GREB1: variants seen among roughly 807,000 people sequenced by gnomAD.
The protein encoded by GREB1 is protein GREB1.
GREB1 carries 106 observed loss-of-function variants against 200.7 expected under a neutral mutation model. That is an observed-to-expected ratio of 0.53 (90% CI 0.45 to 0.62). The LOEUF (loss-of-function observed/expected upper bound fraction) is 0.62. GREB1 is among the 20% of genes least tolerant of loss of function. GREB1 has a pLI of 0.00. For synonymous variants in GREB1, 1,132 were observed against 1,092.4 expected (o/e 1.04, Z -0.72); for missense variants, 2,243 against 2,556.8 (o/e 0.88, Z 2.65).
chr2:11,552,882 C>T (rs140262493), intron 1 of GREB1, among the ~76,000 whole-genome samples: 3,499 of 151,554 alleles, frequency 0.023, 56 homozygotes, highest in African/African-American at 0.041. Context: ...TGGTGGCGCA[C>T]GCCTGTAGTC....
chr2:11,584,619 T>C (rs895249285), intron 7 of GREB1, among the ~76,000 whole-genome samples: 25 of 152,364 alleles, frequency 1.6e-4, no homozygotes, highest in Middle Eastern at 3.4e-3. Flanking sequence ...CTCCCCACAA[T>C]TCGTTGCACA....
intron 1 of GREB1, among the ~76,000 whole-genome samples, chr2:11,498,499 C>T (rs147062087): frequency 3.3e-5 from 5 of 152,274 alleles, no homozygotes; most frequent in East Asian, 3.9e-4. Context: ...TGATATTCAC[C>T]GATGTTCACA....
chr2:11,606,616 AT>A (rs1369478240), intron 17 of GREB1, among the ~76,000 whole-genome samples: 1 of 151,882 alleles, frequency 6.6e-6, no homozygotes, highest in African/African-American at 2.4e-5. Flanking sequence ...ATAGATTATA[AT>A]TTTTTATCCT....
intron 1 of GREB1, among the ~76,000 whole-genome samples, chr2:11,525,496 CAAAAAAAAAA>C (rs764748651): frequency 2.0e-5 from 1 of 50,070 alleles, no homozygotes; most frequent in Non-Finnish European, 4.5e-5. Context: ...GACTCCATCT[CAAAAAAAAAA>C]AAAAAAAAAA....
rs577240335 is a variant in GREB1, at chr2:11,594,388, T to C, written c.1697-863T>C. On this transcript the variant is annotated intron_variant, in intron 11 of 32. Coordinates refer to ENST00000381486, the MANE Select transcript of GREB1 (RefSeq NM_014668.4). ...TTTTTTTTTTGAGATGGAGTCTTGC[T>C]CTGTTGCCCAGGCTGGAATGCAGTG... 2.0e-5 allele frequency among the ~76,000 whole-genome samples: 3 copies of C among 151,376 alleles called. No homozygotes were observed. In the South Asian group the frequency reaches 6.2e-4, roughly 32 times the overall value.
Position 11,518,579 on chromosome 2 carries a change from A to T in GREB1, c.-159+36198A>T, listed in dbSNP as rs1220302194. On this transcript the variant is annotated intron_variant, in intron 1 of 2. Transcript: ENST00000628795. ...GGGCCTGGTTAATGCAGACAGATCCATCCAGTCCTGGCCTCCAGATGCATT... is the reference window on the plus strand; with the variant it reads ...GGGCCTGGTTAATGCAGACAGATCCTTCCAGTCCTGGCCTCCAGATGCATT... Among the ~76,000 whole-genome samples the T allele has an allele frequency of 2.0e-5, 3 of 152,122 alleles. No homozygotes were observed. In the South Asian group the frequency reaches 6.2e-4, roughly 32 times the overall value.
intron 4 of GREB1, among the ~76,000 whole-genome samples, chr2:11,574,240 C>T: frequency 6.6e-6 from 1 of 152,252 alleles, no homozygotes; most frequent in East Asian, 1.9e-4. Context: ...TACCTGTACA[C>T]TGGCACACAC....
At chr2:11,506,937 G>A (rs1353724354) in intron 1 of GREB1, among the ~76,000 whole-genome samples, 1 of 152,090 alleles carries the variant, frequency 6.6e-6, no homozygotes, top group South Asian at 2.1e-4. Context: ...TACAACATGT[G>A]TTACATCCCT....
At chr2:11,595,850 G>T (rs1203538681) in intron 12 of GREB1, among the ~76,000 whole-genome samples, 1 of 152,076 alleles carries the variant, frequency 6.6e-6, no homozygotes, top group Non-Finnish European at 1.5e-5. Context: ...TTCCAGATGG[G>T]CTTGGGACCT....
At chr2:11,544,888 C>T (rs1411751345) in intron 1 of GREB1, among the ~76,000 whole-genome samples, 1 of 152,204 alleles carries the variant, frequency 6.6e-6, no homozygotes, top group African/African-American at 2.4e-5. Flanking sequence ...GTTCTCAGCT[C>T]ACTGCAACCT....
At position 11,548,024 on chromosome 2, in the gene GREB1, AAAAG is replaced by A. The variant is rs1373304534; in HGVS notation, c.-161-8429_-161-8426del. The stretch of plus-strand genomic sequence containing the variant: ...TAGCAAGACCTCTGTCCTTACCAAA[AAAAG>A]CTATCTGGGCATGGTGGCATGTTCC... On this transcript the variant is annotated intron_variant, in intron 1 of 32. Coordinates refer to ENST00000381486, the MANE Select transcript of GREB1 (RefSeq NM_014668.4). This position sits in a 1 kb window ranked among gnomAD's most constrained non-coding sequence, Gnocchi z 5.1. Among the ~76,000 whole-genome samples the A allele has an allele frequency of 6.6e-6, 1 of 152,158 alleles. No homozygotes were observed. The highest frequency in any genetic ancestry group is 1.5e-5 in the Non-Finnish European group (1 of 68,032).
rs13394619 is a variant in GREB1 at position 11,587,381 on chromosome 2, G to A, written c.1160-1365G>A. 0.51 allele frequency: 816,789 copies of A among 1,605,816 alleles called. 214,218 individuals are homozygous for A. The highest frequency in any genetic ancestry group is 0.87 in the African/African-American group (64,795 of 74,844). On this transcript the variant is annotated intron_variant, in intron 9 of 32. Transcript: ENST00000381486. The stretch of plus-strand genomic sequence containing the variant: ...TTTACCTTGCCTCTTGCCCACTGCA[G>A]TATTTGTAAATGGTGCTACCCAAAT...
chr2:11,524,881 A>G (rs1006479133), intron 1 of GREB1, among the ~76,000 whole-genome samples: 5 of 152,320 alleles, frequency 3.3e-5, no homozygotes, highest in African/African-American at 1.2e-4. Context: ...GTCCTGGCCA[A>G]TGTTTTGTAA....
At chr2:11,585,036 A>G (rs954445242) in intron 7 of GREB1, 125 bp from the exon 8 acceptor site, 96 of 521,408 alleles carry the variant, frequency 1.8e-4, no homozygotes, top group African/African-American at 1.6e-3. Flanking sequence ...CTTAAAACCC[A>G]CGTGAATCTG....
chr2:11,536,601 G>A (rs1196294744), intron 1 of GREB1, among the ~76,000 whole-genome samples: 1 of 152,190 alleles, frequency 6.6e-6, no homozygotes, highest in African/African-American at 2.4e-5. Context: ...AGAGCATTAT[G>A]TATAGAATAG....
At chr2:11,635,460 C>A in intron 30 of GREB1, 55 bp downstream of exon 30, 2 of 1,555,460 alleles carry the variant, frequency 1.3e-6, no homozygotes, top group Non-Finnish European at 8.7e-7. Flanking sequence ...GCCGCCCTGG[C>A]ACACACACTG....
At chr2:11,568,046 C>T (rs1352440171) in intron 4 of GREB1, among the ~76,000 whole-genome samples, 1 of 152,182 alleles carries the variant, frequency 6.6e-6, no homozygotes, top group African/African-American at 2.4e-5. Flanking sequence ...TGGTAATAAT[C>T]CACTTCAGAT....
At chr2:11,526,757 C>T (rs1261102094) in intron 1 of GREB1, among the ~76,000 whole-genome samples, 2 of 151,994 alleles carry the variant, frequency 1.3e-5, no homozygotes, top group African/African-American at 4.8e-5. Context: ...GGAGTTTCCC[C>T]ATGTTGGCCA....
chr2:11,555,249 A>T (rs1021061223), intron 1 of GREB1, among the ~76,000 whole-genome samples: 2 of 152,256 alleles, frequency 1.3e-5, no homozygotes, highest in African/African-American at 4.8e-5. Context: ...AACATTATGG[A>T]CATATACACA....
Sources: allele counts gnomAD v4.1 joint callset (sites outside exome capture counted in the v4.1 genomes callset), GRCh38; gene constraint gnomAD v4.1.1; non-coding constraint Gnocchi (gnomAD v3.1); transcripts MANE v1.5; gene names NCBI Gene and HGNC (gene_info 2026-07-23, HGNC 2026-07-21).